The following RGP1 variants were observed in gnomAD, a reference collection of about 807,000 sequenced individuals.
RGP1 encodes the protein RAB6A-GEF complex partner protein 2.
In RGP1, 28 loss-of-function variants were observed where a neutral mutation model predicts 44.5. The ratio of observed to expected loss-of-function variants is 0.63; its 90% CI spans 0.47 to 0.86. RGP1 has a LOEUF of 0.86. Among genes scored for constraint, RGP1 ranks in the 40% least tolerant of loss-of-function variants. The pLI is 0.00. For synonymous variants in RGP1, 212 were observed against 196.7 expected, an observed-to-expected ratio of 1.08 and a Z score of -0.65; for missense variants, 417 against 490.7, an observed-to-expected ratio of 0.85 and a Z score of 1.42.
At chr9:35,776,909 C>T in the RGP1 span, among the ~76,000 whole-genome samples, 2 of 150,328 alleles carry the variant, frequency 1.3e-5, no homozygotes, top group Admixed American at 6.6e-5. Context: ...GCAGGAGAAT[C>T]GCTTGAACCT....
At chr9:35,776,429 G>A in the RGP1 span, among the ~76,000 whole-genome samples, 2 of 151,444 alleles carry the variant, frequency 1.3e-5, no homozygotes, top group African/African-American at 2.4e-5. Flanking sequence ...CTGGAATTAC[G>A]GGCGTCTGCA....
Position 35,753,349 on chromosome 9 carries a change from C to T in RGP1, c.*475C>T, listed in dbSNP as rs577348596. ...CTGCCTTTATCCCTGCCCACATGTT[C>T]CCTCTCTCACAGTTTTCCCCCCACA... On this transcript the variant is annotated 3_prime_UTR_variant, in exon 9 of 9. Transcript: ENST00000378078. This position sits in a 1 kb window ranked among gnomAD's most constrained non-coding sequence, Gnocchi z 4.2. 1.4e-5 allele frequency: 21 copies of T among 1,524,968 alleles called. No individual in the cohort carries two copies. In the Admixed American group the frequency reaches 3.8e-4, roughly 27 times the overall value. 94.5% of individuals were successfully genotyped at this position (1,524,968 alleles called of 1,614,324 possible). A position where few individuals can be genotyped will look rare whatever the true frequency, so the allele number is the denominator to read the frequency against.
In RGP1 at chr9:35,753,074, G is replaced by C; in HGVS notation, c.*200G>C. 1 of 1,608,888 alleles carries C rather than the reference G, an allele frequency of 6.2e-7. No homozygotes were observed. Among genetic ancestry groups the C allele is most frequent in the Non-Finnish European group, 8.5e-7 (1 of 1,175,936 alleles). The stretch of plus-strand genomic sequence containing the variant: ...CTGGAAGTGGCAGCAGCAGTGAGCA[G>C]TCAGCAGATGGATGATCAGTTGAGT... On this transcript the variant is annotated 3_prime_UTR_variant, in exon 9 of 9. Transcript: ENST00000378078. This position sits in a 1 kb window ranked among gnomAD's most constrained non-coding sequence, Gnocchi z 4.2.
the RGP1 span, among the ~76,000 whole-genome samples, chr9:35,781,421 G>C: frequency 9.7e-6 from 1 of 103,140 alleles, no homozygotes. Context: ...GGGTGGGGGG[G>C]CAGGCAGGAG....
chr9:35,768,266 T>C, the RGP1 span, among the ~76,000 whole-genome samples: 1 of 152,106 alleles, frequency 6.6e-6, no homozygotes, highest in African/African-American at 2.4e-5. Context: ...TTCACCATGA[T>C]GCCCAGGCTG....
chr9:35,779,427 C>T, the RGP1 span, among the ~76,000 whole-genome samples: 5 of 152,164 alleles, frequency 3.3e-5, no homozygotes, highest in Non-Finnish European at 5.9e-5. Flanking sequence ...TGTTCAGCTC[C>T]GCACCTGTCT....
At chr9:35,770,492 GGAGAGAGAGAGAGAGAGAGAGAGAGA>G in the RGP1 span, among the ~76,000 whole-genome samples, 5 of 107,112 alleles carry the variant, frequency 4.7e-5, no homozygotes, top group East Asian at 6.8e-4. Context: ...GTATTACCAT[GGAGAGAGAGAGAGAGAGAGAGAGAGA>G]GAGAGAGAGA....
At position 35,754,249 on chromosome 9, in the gene RGP1, T is replaced by C; in HGVS notation, c.*1375T>C. 1.5e-6 allele frequency: 2 copies of C among 1,317,516 alleles called. No individual in the cohort carries two copies. The highest frequency in any genetic ancestry group is 2.9e-5 in the South Asian group (2 of 68,664). 81.6% of individuals were successfully genotyped at this position (1,317,516 alleles called of 1,614,324 possible). A position where few individuals can be genotyped will look rare whatever the true frequency, so the allele number is the denominator to read the frequency against. On this transcript the variant is annotated 3_prime_UTR_variant, in exon 9 of 9. Coordinates refer to ENST00000378078, the MANE Select transcript of RGP1 (RefSeq NM_001080496.3). ...TAGTTTCTGTCTTTCTCCCCTGGGCTCCTGTCTCACACTATCTCCCTGCCC... is the reference window on the plus strand; with the variant it reads ...TAGTTTCTGTCTTTCTCCCCTGGGCCCCTGTCTCACACTATCTCCCTGCCC...
At chr9:35,765,762 C>T in the RGP1 span, among the ~76,000 whole-genome samples, 2 of 151,790 alleles carry the variant, frequency 1.3e-5, no homozygotes, top group African/African-American at 2.4e-5. Context: ...TTTCCACTTA[C>T]CAGCATTATA....
In RGP1 at chr9:35,758,437, T is replaced by C. The variant is rs1357329935; in HGVS notation, c.*5563T>C. On this transcript the variant is annotated 3_prime_UTR_variant, in exon 9 of 9. Transcript: ENST00000378078. ...TCAACTCTAAAATGGTATTTTGTAC[T>C]TGTCTCAGAGACGAATTCTGCCATG... 6.6e-6 allele frequency: 1 copy of C among 152,254 alleles called. No homozygotes were observed. The highest frequency in any genetic ancestry group is 1.9e-4 in the East Asian group (1 of 5,202). The allele number at this position is 152,254 out of a possible 1,614,324, so 9.4% of individuals were successfully genotyped here.
At chr9:35,783,810 T>C in the RGP1 span, among the ~76,000 whole-genome samples, 1 of 152,240 alleles carries the variant, frequency 6.6e-6, no homozygotes, top group East Asian at 1.9e-4. Context: ...AAATACCCAC[T>C]AGTGGGATTA....
chr9:35,784,450 G>GTTTC, the RGP1 span, among the ~76,000 whole-genome samples: 1 of 152,054 alleles, frequency 6.6e-6, no homozygotes, highest in African/African-American at 2.4e-5. Context: ...AGATAGGGGT[G>GTTTC]TTTATTTATT....
downstream of RGP1, chr9:35,758,614 G>T (rs1399944591): frequency 6.6e-6 from 1 of 152,134 alleles, no homozygotes; most frequent in Non-Finnish European, 1.5e-5. Context: ...CTTACTTTGG[G>T]CCCTGTTGCA....
In RGP1 at chr9:35,756,285, C is replaced by T. The variant is rs1434147783; in HGVS notation, c.*3411C>T. 6.6e-6 allele frequency: 1 copy of T among 152,334 alleles called. No homozygotes were observed. 9.4% of individuals were successfully genotyped at this position (152,334 alleles called of 1,614,324 possible). On this transcript the variant is annotated 3_prime_UTR_variant, in exon 9 of 9. Coordinates refer to ENST00000378078, the MANE Select transcript of RGP1 (RefSeq NM_001080496.3). ...TCCCTGCCACCTAGTGCATCAGATACAGCTACTTCTGGCTGACTTTTCAAG... is the reference window on the plus strand; with the variant it reads ...TCCCTGCCACCTAGTGCATCAGATATAGCTACTTCTGGCTGACTTTTCAAG...
In RGP1 at chr9:35,757,156, C is replaced by T. The variant is rs1187348115; in HGVS notation, c.*4282C>T. On this transcript the variant is annotated 3_prime_UTR_variant, in exon 9 of 9. Transcript: ENST00000378078. ...CAGGTGCGCGGAGAGGAAGTGAGAGCATTCCGGCCCCCCCACCCCAACCCC... is the reference window on the plus strand; with the variant it reads ...CAGGTGCGCGGAGAGGAAGTGAGAGTATTCCGGCCCCCCCACCCCAACCCC... The T allele has an allele frequency of 6.6e-6, 1 of 152,234 alleles. No homozygotes were observed. 9.4% of individuals were successfully genotyped at this position (152,234 alleles called of 1,614,324 possible).
At position 35,750,647 on chromosome 9, in the gene RGP1, A is replaced by G. The variant is rs1324066326; in HGVS notation, c.254-11A>G. On this transcript the variant is annotated splice_polypyrimidine_tract_variant and intron_variant, in intron 3 of 8. Transcript: ENST00000378078. The stretch of plus-strand genomic sequence containing the variant: ...ATGGGTCATTAAATTAGTCATTTTT[A>G]CCTTTTTCAGGTGAGAGGGGCCAGT... 1 of 1,613,410 alleles carries G rather than the reference A, an allele frequency of 6.2e-7. No homozygotes were observed. The highest frequency in any genetic ancestry group is 8.5e-7 in the Non-Finnish European group (1 of 1,179,500).
Position 35,755,854 on chromosome 9 carries a change from C to T in RGP1, c.*2980C>T, listed in dbSNP as rs1827351976. 1 of 152,324 alleles carries T rather than the reference C, an allele frequency of 6.6e-6. No homozygotes were observed. The highest frequency in any genetic ancestry group is 1.5e-5 in the Non-Finnish European group (1 of 68,146). The allele number at this position is 152,324 out of a possible 1,614,324, so 9.4% of individuals were successfully genotyped here. ...TCCCACCTCTTTCAAAAACAGGTAC[C>T]TCCAGGAACATTTTGGTTTTGGCCC... On this transcript the variant is annotated 3_prime_UTR_variant, in exon 9 of 9. Coordinates refer to ENST00000378078, the MANE Select transcript of RGP1 (RefSeq NM_001080496.3).
At chr9:35,751,784 T>C (rs760410356) in intron 7 of RGP1, 30 bp downstream of exon 7, 14 of 1,613,286 alleles carry the variant, frequency 8.7e-6, no homozygotes, top group Admixed American at 1.7e-5. Flanking sequence ...TCTTACCTGC[T>C]GGGGTGCTGG....
At chr9:35,770,205 G>A in the RGP1 span, among the ~76,000 whole-genome samples, 2 of 152,210 alleles carry the variant, frequency 1.3e-5, no homozygotes, top group Admixed American at 6.5e-5. Context: ...GATGTGGAGA[G>A]TAGTGAGGGA....
Sources: allele counts gnomAD v4.1 joint callset (sites outside exome capture counted in the v4.1 genomes callset), GRCh38; gene constraint gnomAD v4.1.1; non-coding constraint Gnocchi (gnomAD v3.1); transcripts MANE v1.5; gene names NCBI Gene and HGNC (gene_info 2026-07-23, HGNC 2026-07-21).